Variants in STRN3 observed in about 807,000 individuals in gnomAD.
STRN3 encodes the protein striatin-3.
A neutral mutation model predicts 95.6 loss-of-function variants in STRN3; 29 were observed. That is an observed-to-expected ratio of 0.30 (90% CI 0.23 to 0.41). The LOEUF is 0.41. Among genes scored for constraint, STRN3 ranks in the 10% least tolerant of loss-of-function variants. The pLI is 1.00. For synonymous variants in STRN3, 331 were observed against 357.6 expected (o/e 0.93, Z 0.84); for missense variants, 890 against 972.1 (o/e 0.92, Z 1.12).
At chr14:30,961,673 G>C (rs1235804802) in intron 1 of STRN3, among the ~76,000 whole-genome samples, 1 of 152,218 alleles carries the variant, frequency 6.6e-6, no homozygotes, top group Non-Finnish European at 1.5e-5. Flanking sequence ...CCCAGACTGG[G>C]TTGTAGTGTG....
At chr14:31,001,659 G>A (rs185492639) in intron 1 of STRN3, among the ~76,000 whole-genome samples, 106 of 152,236 alleles carry the variant, frequency 7.0e-4, no homozygotes, top group African/African-American at 2.4e-3. Flanking sequence ...AATTGGAAGC[G>A]GGACCTCAGA....
At chr14:30,986,799 A>G (rs1040079246) in intron 1 of STRN3, among the ~76,000 whole-genome samples, 1 of 152,246 alleles carries the variant, frequency 6.6e-6, no homozygotes, top group East Asian at 1.9e-4. Context: ...TAAACAGAAG[A>G]TATCAACTAT....
chr14:30,933,198 G>A (rs1351604827), intron 7 of STRN3, among the ~76,000 whole-genome samples: 1 of 148,380 alleles, frequency 6.7e-6, no homozygotes, highest in Non-Finnish European at 1.5e-5. Flanking sequence ...AAGACCCCTT[G>A]AGCCTGGGAG....
chr14:30,908,355 C>A (rs1039922615), intron 13 of STRN3, among the ~76,000 whole-genome samples: 1 of 152,194 alleles, frequency 6.6e-6, no homozygotes, highest in Non-Finnish European at 1.5e-5. Context: ...CACACCAAAA[C>A]AATCCTTGCT....
At position 30,919,075 on chromosome 14, in the gene STRN3, T is replaced by C; in HGVS notation, c.1131A>G (p.Ile377Met). Residue 377 changes from isoleucine to methionine, a missense_variant, in exon 9 of 18, where the codon ATA becomes ATG. Transcript: ENST00000357479. ...RANRTKLYDMIADLGDDELPH... is the reference protein window; with the variant it reads ...RANRTKLYDMMADLGDDELPH... ...GCAGCTCATCATCTCCCAGATCAGC[T>C]ATCATGTCGTAGAGTTTTGTCCTGT... The C allele has an allele frequency of 1.2e-6, 2 of 1,610,532 alleles. No homozygotes were observed. Among genetic ancestry groups the C allele is most frequent in the Non-Finnish European group, 1.7e-6 (2 of 1,177,946 alleles).
chr14:30,996,988 A>C (rs534523974), intron 1 of STRN3, among the ~76,000 whole-genome samples: 1 of 152,330 alleles, frequency 6.6e-6, no homozygotes, highest in African/African-American at 2.4e-5. Context: ...GAAAACTATT[A>C]ACAAGAGGCG....
chr14:30,940,042 T>C (rs1018802910), intron 5 of STRN3, among the ~76,000 whole-genome samples: 10 of 152,136 alleles, frequency 6.6e-5, no homozygotes, highest in African/African-American at 2.4e-4. Flanking sequence ...TTTTTTTTAA[T>C]TGCCTGGTTT....
chr14:30,977,050 C>A (rs1043929950), intron 1 of STRN3, among the ~76,000 whole-genome samples: 1 of 151,734 alleles, frequency 6.6e-6, no homozygotes, highest in African/African-American at 2.4e-5. Flanking sequence ...CATGGTGAAA[C>A]CCTGTCTCTA....
intron 8 of STRN3, among the ~76,000 whole-genome samples, chr14:30,920,356 A>C (rs1432571065): frequency 6.6e-6 from 1 of 152,052 alleles, no homozygotes; most frequent in South Asian, 2.1e-4. Context: ...TTTCCCCCCC[A>C]CAGAGAAATG....
chr14:30,964,088 G>A (rs1283293088), intron 1 of STRN3, among the ~76,000 whole-genome samples: 1 of 151,932 alleles, frequency 6.6e-6, no homozygotes, highest in Non-Finnish European at 1.5e-5. Context: ...CCCATCTCTC[G>A]TAAAAATACA....
chr14:30,905,815 A>G lies in STRN3; in HGVS notation c.1889-257T>C, dbSNP rs192577981. ...TACAGAGCTCATAAAGAGTAAATAC[A>G]TGCAAAAGTTATTTGTTCTATTACA... On this transcript the variant is annotated intron_variant, in intron 14 of 17. Transcript: ENST00000357479. Among the ~76,000 whole-genome samples the G allele has an allele frequency of 1.8e-3, 279 of 152,368 alleles. 4 individuals are homozygous for G. Among genetic ancestry groups the G allele is most frequent in the Non-Finnish European group, 4.6e-4 (31 of 68,038 alleles).
At chr14:30,917,339 G>T (rs568397322) in intron 9 of STRN3, among the ~76,000 whole-genome samples, 1 of 152,236 alleles carries the variant, frequency 6.6e-6, no homozygotes, top group East Asian at 1.9e-4. Context: ...GTTCTAAGTT[G>T]GTTTTTGTGT....
At chr14:30,998,905 A>G (rs1301072354) in intron 1 of STRN3, among the ~76,000 whole-genome samples, 1 of 152,212 alleles carries the variant, frequency 6.6e-6, no homozygotes, top group Non-Finnish European at 1.5e-5. Flanking sequence ...CAGTAGTTCA[A>G]ATCCAGCCTG....
At chr14:31,003,302 T>C (rs1259162134) in intron 1 of STRN3, among the ~76,000 whole-genome samples, 6 of 150,894 alleles carry the variant, frequency 4.0e-5, no homozygotes, top group Admixed American at 4.0e-4. Flanking sequence ...AGAAAGTGGT[T>C]AAGATGGTAA....
At chr14:30,982,241 C>T (rs951087603) in intron 1 of STRN3, among the ~76,000 whole-genome samples, 3 of 151,816 alleles carry the variant, frequency 2.0e-5, no homozygotes, top group Admixed American at 6.6e-5. Flanking sequence ...AAAATACCAC[C>T]ACCATCCTCA....
chr14:30,970,438 T>C (rs1880769987), intron 1 of STRN3, among the ~76,000 whole-genome samples: 1 of 152,206 alleles, frequency 6.6e-6, no homozygotes, highest in Non-Finnish European at 1.5e-5. Flanking sequence ...TACATTCATT[T>C]TACTAAAGGG....
chr14:31,013,383 AC>A (rs974929945), intron 1 of STRN3, among the ~76,000 whole-genome samples: 1 of 152,064 alleles, frequency 6.6e-6, no homozygotes, highest in African/African-American at 2.4e-5. Context: ...CAAAAAAAAA[AC>A]AAAAAAATTA....
Position 30,936,643 on chromosome 14 carries a change from G to C in STRN3, c.717-19C>G, listed in dbSNP as rs745865416. 1.9e-6 allele frequency: 3 copies of C among 1,593,556 alleles called. No individual in the cohort carries two copies. The highest frequency in any genetic ancestry group is 2.7e-5 in the African/African-American group (2 of 73,482). On this transcript the variant is annotated intron_variant, in intron 5 of 17. Transcript: ENST00000357479. The stretch of plus-strand genomic sequence containing the variant: ...AGAGGACCTGTGCGAAGGAAAAAAA[G>C]ATAAATCCAACTATTCCAATGGTTG...
At position 30,929,255 on chromosome 14, in the gene STRN3, T is replaced by TA; in HGVS notation, c.1044_1045insT (p.Ser349Ter). On this transcript the variant is annotated frameshift_variant, in exon 8 of 18. Transcript: ENST00000357479. LOFTEE classifies it high-confidence loss of function. Reference sequence around the variant, plus strand: ...TTCTTGTACTGTTCCTTCAGTTTACTTATTAGTCCCTGGTCTACATCCCAA... The same window carrying TA: ...TTCTTGTACTGTTCCTTCAGTTTACTATATTAGTCCCTGGTCTACATCCCAA... The TA allele has an allele frequency of 6.2e-7, 1 of 1,613,730 alleles. No individual in the cohort carries two copies. Among genetic ancestry groups the TA allele is most frequent in the East Asian group, 2.2e-5 (1 of 44,812 alleles).
Sources: gnomAD v4.1 joint callset for allele counts (sites outside exome capture counted in the v4.1 genomes callset) on GRCh38, gnomAD v4.1.1 for gene constraint, MANE v1.5 for transcripts, NCBI Gene and HGNC (gene_info 2026-07-23, HGNC 2026-07-21) for gene names.